Variants in HDAC9 observed in about 807,000 individuals in gnomAD.
HDAC9 encodes the protein histone deacetylase 9, also known as MEF-2 interacting transcription repressor (MITR) protein.
A neutral mutation model predicts 139.4 loss-of-function variants in HDAC9; 41 were observed. The observed-to-expected ratio is 0.29, with a 90% CI of 0.23 to 0.38. HDAC9 has a LOEUF of 0.38. Among genes scored for constraint, HDAC9 ranks in the 10% least tolerant of loss-of-function variants. The pLI is 1.00. For synonymous variants in HDAC9, 517 were observed against 476.2 expected, an observed-to-expected ratio of 1.09 and a Z score of -1.12; for missense variants, 1,147 against 1,297.0, an observed-to-expected ratio of 0.88 and a Z score of 1.78.
Position 18,835,880 on chromosome 7 carries a change from G to C in HDAC9, c.2587-20G>C, listed in dbSNP as rs914201522. ...TTTGCTCTCTTCTCTGCCCACCGTG[G>C]TGTGTCTTTCTCTTCCCAGGTTGGA... On this transcript the variant is annotated intron_variant, in intron 20 of 25. Transcript: ENST00000686413. 10 of 1,485,718 alleles carry C rather than the reference G, an allele frequency of 6.7e-6. No individual in the cohort carries two copies. In the African/African-American group the frequency reaches 8.4e-5, roughly 12 times the overall value. The allele number at this position is 1,485,718 out of a possible 1,614,324, so 92.0% of individuals were successfully genotyped here. A position where few individuals can be genotyped will look rare whatever the true frequency, so the allele number is the denominator to read the frequency against.
intron 1 of HDAC9, among the ~76,000 whole-genome samples, chr7:18,155,093 C>CTTTCTTTCTTTCTTTCT (rs761803907): frequency 0.021 from 2,923 of 141,642 alleles, 104 homozygotes; most frequent in African/African-American, 0.073. Context: ...TTCTTTCTTT[C>CTTTCTTTCTTTCTTTCT]TTTTTTTTTT....
intron 12 of HDAC9, among the ~76,000 whole-genome samples, chr7:18,725,610 G>C (rs950177609): frequency 1.3e-5 from 2 of 152,100 alleles, no homozygotes; most frequent in African/African-American, 4.8e-5. Context: ...TCTTACATGG[G>C]AGCTGAAGAA....
At chr7:18,618,206 C>T (rs1839198433) in intron 6 of HDAC9, among the ~76,000 whole-genome samples, 2 of 151,976 alleles carry the variant, frequency 1.3e-5, no homozygotes, top group Non-Finnish European at 2.9e-5. Context: ...TCAATGTATT[C>T]CATTTATTAC....
chr7:18,154,595 T>A (rs1237295247), intron 1 of HDAC9, among the ~76,000 whole-genome samples: 1 of 152,224 alleles, frequency 6.6e-6, no homozygotes, highest in Non-Finnish European at 1.5e-5. Flanking sequence ...TTTAAGCAAC[T>A]GAGGCTCAGA....
chr7:18,825,317 G>C (rs541494038), intron 17 of HDAC9, among the ~76,000 whole-genome samples: 1 of 152,230 alleles, frequency 6.6e-6, no homozygotes, highest in Admixed American at 6.5e-5. Flanking sequence ...AAAATGAGAA[G>C]ACTTAGTATG....
At chr7:18,951,530 A>G (rs971268231) in intron 23 of HDAC9, among the ~76,000 whole-genome samples, 1 of 151,772 alleles carries the variant, frequency 6.6e-6, no homozygotes, top group Admixed American at 6.6e-5. Flanking sequence ...GGTGTGTACT[A>G]TTTCCTACAT....
rs964021051 is a variant in HDAC9, at chr7:18,829,353, A to G, written c.2379-108A>G. ...GCGAGGTACTCCCAGAAGCAGATTTATGGCTTCAGAGATCATATAGCATTT... is the reference window on the plus strand; with the variant it reads ...GCGAGGTACTCCCAGAAGCAGATTTGTGGCTTCAGAGATCATATAGCATTT... On this transcript the variant is annotated intron_variant, in intron 18 of 25. Transcript: ENST00000686413. 6.3e-6 allele frequency: 7 copies of G among 1,104,950 alleles called. No individual in the cohort carries two copies. In the Admixed American group the frequency reaches 8.7e-5, roughly 14 times the overall value. The allele number at this position is 1,104,950 out of a possible 1,614,324, so 68.4% of individuals were successfully genotyped here.
intron 24 of HDAC9, among the ~76,000 whole-genome samples, chr7:18,964,157 C>T (rs541002767): frequency 6.6e-6 from 1 of 152,240 alleles, no homozygotes; most frequent in Non-Finnish European, 1.5e-5. Context: ...TAAATGGGCC[C>T]ATTACCATTC....
chr7:18,916,022 G>GGAAAAAAAAAAAAAAAA (rs1491394538), intron 22 of HDAC9, among the ~76,000 whole-genome samples: 5 of 138,124 alleles, frequency 3.6e-5, no homozygotes, highest in South Asian at 2.4e-4. Context: ...CCCCCCGCTG[G>GGAAAAAAAAAAAAAAAA]AAAAAAAAAA....
At chr7:18,175,222 C>G (rs1788793543) in intron 2 of HDAC9, among the ~76,000 whole-genome samples, 1 of 152,186 alleles carries the variant, frequency 6.6e-6, no homozygotes, top group African/African-American at 2.4e-5. Context: ...GATTGCCACG[C>G]TAGCAGTGAG....
intron 2 of HDAC9, among the ~76,000 whole-genome samples, chr7:18,551,311 G>C (rs1817050172): frequency 6.6e-6 from 1 of 152,158 alleles, no homozygotes; most frequent in Non-Finnish European, 1.5e-5. Context: ...GGGTATATGA[G>C]TCTGGAGTTC....
intron 1 of HDAC9, among the ~76,000 whole-genome samples, chr7:18,424,036 C>T (rs1015311096): frequency 6.6e-6 from 1 of 152,122 alleles, no homozygotes; most frequent in Non-Finnish European, 1.5e-5. Context: ...ATACATATCA[C>T]CTATAAATAT....
At chr7:18,925,205 T>C (rs1020380780) in intron 22 of HDAC9, among the ~76,000 whole-genome samples, 7 of 152,132 alleles carry the variant, frequency 4.6e-5, no homozygotes, top group African/African-American at 1.7e-4. Context: ...TCAATATTAC[T>C]TGGATTTAGC....
chr7:18,631,346 A>G (rs544645608), intron 7 of HDAC9, among the ~76,000 whole-genome samples: 1 of 152,174 alleles, frequency 6.6e-6, no homozygotes, highest in East Asian at 1.9e-4. Flanking sequence ...GCTTTGGTAG[A>G]TATTTTTAAC....
chr7:18,672,962 G>T (rs998108638), intron 12 of HDAC9, among the ~76,000 whole-genome samples: 1 of 151,834 alleles, frequency 6.6e-6, no homozygotes, highest in Non-Finnish European at 1.5e-5. Context: ...TTTTGATACT[G>T]TTACTTTTTT....
At chr7:18,152,568 A>G (rs1028782776) in intron 1 of HDAC9, among the ~76,000 whole-genome samples, 23 of 152,302 alleles carry the variant, frequency 1.5e-4, no homozygotes, top group African/African-American at 5.1e-4. Context: ...AAGGTCTCAG[A>G]TAAGTCCTGA....
intron 6 of HDAC9, among the ~76,000 whole-genome samples, chr7:18,618,760 A>ATG (rs1562601198): frequency 1.5e-5 from 2 of 133,826 alleles, no homozygotes; most frequent in East Asian, 2.2e-4. Context: ...ATATATATAT[A>ATG]TGTAGGAATT....
chr7:18,826,153 C>T (rs769473718), intron 17 of HDAC9, among the ~76,000 whole-genome samples: 3 of 152,082 alleles, frequency 2.0e-5, no homozygotes, highest in Admixed American at 2.0e-4. Flanking sequence ...CAGAGTCAGG[C>T]ATCTTACTGT....
rs185306799 is a variant in HDAC9 at position 18,349,832 on chromosome 7, A to G, written c.-42+59317A>G. The stretch of plus-strand genomic sequence containing the variant: ...GTTTTTGGAAAGATCCCTTACTCAA[A>G]TAATGAAGTGGCTATTCAATATTAA... On this transcript the variant is annotated intron_variant, in intron 1 of 3. Transcript: ENST00000413509. Among the ~76,000 whole-genome samples, 435 of 152,282 alleles carry G rather than the reference A, an allele frequency of 2.9e-3. 3 individuals are homozygous for G. The highest frequency in any genetic ancestry group is 4.4e-3 in the Non-Finnish European group (297 of 68,000).
Sources: gnomAD v4.1 joint callset for allele counts (sites outside exome capture counted in the v4.1 genomes callset) on GRCh38, gnomAD v4.1.1 for gene constraint, MANE v1.5 for transcripts, NCBI Gene and HGNC (gene_info 2026-07-23, HGNC 2026-07-21) for gene names.